The following FSTL4 variants were observed in gnomAD, a reference collection of about 807,000 sequenced individuals.
FSTL4 encodes follistatin like 4, also known as follistatin-related protein 4.
A neutral mutation model predicts 78.2 loss-of-function variants in FSTL4; 28 were observed. The observed-to-expected ratio is 0.36, with a 90% CI of 0.27 to 0.49. The LOEUF (loss-of-function observed/expected upper bound fraction) is 0.49. Ranked by LOEUF, FSTL4 falls within the 20% of genes least tolerant of loss-of-function variation. The pLI, the probability that FSTL4 is intolerant of heterozygous loss-of-function variation, is 0.98. For synonymous variants in FSTL4, 422 were observed against 440.5 expected (o/e 0.96, Z 0.53); for missense variants, 922 against 1,084.9 (o/e 0.85, Z 2.11).
chr5:133,441,715 A>C (rs896845064), intron 3 of FSTL4, among the ~76,000 whole-genome samples: 2 of 152,176 alleles, frequency 1.3e-5, no homozygotes, highest in Non-Finnish European at 2.9e-5. Context: ...CCACTCCAGC[A>C]ATGTTGCCAC....
intron 4 of FSTL4, among the ~76,000 whole-genome samples, chr5:133,326,636 A>T (rs1754218610): frequency 6.6e-6 from 1 of 152,226 alleles, no homozygotes; most frequent in Non-Finnish European, 1.5e-5. Flanking sequence ...CACTCCTGGC[A>T]GACCCTCTCT....
chr5:133,829,283 G>T, the FSTL4 span, among the ~76,000 whole-genome samples: 6 of 152,260 alleles, frequency 3.9e-5, no homozygotes, highest in Non-Finnish European at 7.4e-5. Flanking sequence ...TGTAGTCCCA[G>T]CTACTCAGGA....
the FSTL4 span, among the ~76,000 whole-genome samples, chr5:133,684,654 T>C: frequency 6.6e-6 from 1 of 152,164 alleles, no homozygotes; most frequent in African/African-American, 2.4e-5. Flanking sequence ...ATCATTGAGA[T>C]ATAGAGTTTG....
the FSTL4 span, among the ~76,000 whole-genome samples, chr5:133,628,403 A>G: frequency 6.7e-6 from 1 of 148,464 alleles, no homozygotes; most frequent in East Asian, 2.0e-4. Flanking sequence ...CCTGTTGCCC[A>G]GGCTGGAGTG....
At chr5:133,539,168 T>A (rs1014524197) in intron 3 of FSTL4, among the ~76,000 whole-genome samples, 1 of 151,544 alleles carries the variant, frequency 6.6e-6, no homozygotes, top group Non-Finnish European at 1.5e-5. Flanking sequence ...CATCTCTACA[T>A]GGAAGAAAGG....
At chr5:133,592,812 A>G (rs1218679709) in intron 2 of FSTL4, among the ~76,000 whole-genome samples, 6 of 152,120 alleles carry the variant, frequency 3.9e-5, no homozygotes, top group Admixed American at 2.0e-4. Context: ...CAGGAGTGGA[A>G]GCTTCCTGAG....
At position 133,225,698 on chromosome 5, in the gene FSTL4, C is replaced by T; in HGVS notation, c.1137G>A (p.Val379=). ...MPRITWLKNG[V]DVSTQMSKQL... ...GTTTGGACATCTGAGTTGAGACATC[C>T]ACGCCGTTTTTCAGCCAAGTGATTC... is the stretch of plus-strand genomic sequence containing the variant. Residue 379 remains valine (V), a synonymous_variant, in exon 9 of 16, where the codon GTG becomes GTA. Transcript: ENST00000265342. This position sits in a 1 kb window ranked among gnomAD's most constrained non-coding sequence, Gnocchi z 4.6. 6.2e-7 allele frequency: 1 copy of T among 1,611,282 alleles called. No homozygotes were observed.
intron 3 of FSTL4, among the ~76,000 whole-genome samples, chr5:133,564,315 T>C (rs1759981418): frequency 6.6e-6 from 1 of 152,172 alleles, no homozygotes. Flanking sequence ...ATTCAACCCA[T>C]AATACTAAGC....
At chr5:133,542,692 T>C (rs1046706877) in intron 3 of FSTL4, among the ~76,000 whole-genome samples, 1 of 152,196 alleles carries the variant, frequency 6.6e-6, no homozygotes, top group East Asian at 1.9e-4. Context: ...AATTTTTTTT[T>C]CAGGAAATTT....
intron 2 of FSTL4, among the ~76,000 whole-genome samples, chr5:133,567,733 C>A (rs749506977): frequency 6.6e-6 from 1 of 152,214 alleles, no homozygotes; most frequent in Non-Finnish European, 1.5e-5. Flanking sequence ...GGGTGAGATC[C>A]TATGAACAAT....
At chr5:133,323,158 TCAC>T (rs1754116013) in intron 4 of FSTL4, among the ~76,000 whole-genome samples, 1 of 152,108 alleles carries the variant, frequency 6.6e-6, no homozygotes, top group Admixed American at 6.5e-5. Flanking sequence ...CTAATGACAG[TCAC>T]CACAAGGTCA....
In FSTL4 at chr5:133,429,726, CAAG is replaced by C. The variant is rs141982767; in HGVS notation, c.161-28743_161-28741del. On this transcript the variant is annotated intron_variant, in intron 3 of 15. Coordinates refer to ENST00000265342, the MANE Select transcript of FSTL4 (RefSeq NM_015082.2). ...GTTGCTGGACTCCCTGGGTTGTCTA[CAAG>C]AAGAACAGAGCACGGTAAGTTTAGG... 9.4e-3 allele frequency among the ~76,000 whole-genome samples: 1,437 copies of C among 152,246 alleles called. 10 individuals are homozygous for C. The highest frequency in any genetic ancestry group is 0.014 in the Non-Finnish European group (973 of 68,012).
intron 3 of FSTL4, among the ~76,000 whole-genome samples, chr5:133,493,881 G>A (rs1047071796): frequency 3.9e-5 from 6 of 152,230 alleles, no homozygotes; most frequent in African/African-American, 9.6e-5. Context: ...TCCTTCTGCC[G>A]GATATTGAAC....
chr5:133,594,390 G>A (rs1316892256), intron 2 of FSTL4, among the ~76,000 whole-genome samples: 2 of 152,150 alleles, frequency 1.3e-5, no homozygotes, highest in African/African-American at 2.4e-5. Flanking sequence ...ACTGGGTTTC[G>A]CCATGTTGGC....
the FSTL4 span, among the ~76,000 whole-genome samples, chr5:133,725,218 A>G: frequency 1.3e-5 from 2 of 152,218 alleles, no homozygotes; most frequent in South Asian, 2.1e-4. Context: ...TCCCATTTTC[A>G]TAAAAAATTT....
At chr5:133,234,905 T>C (rs1035100483) in intron 7 of FSTL4, among the ~76,000 whole-genome samples, 1 of 152,232 alleles carries the variant, frequency 6.6e-6, no homozygotes, top group African/African-American at 2.4e-5. Flanking sequence ...GTTATTTTTC[T>C]TGTTATTATT....
rs144779869 is a variant in FSTL4, at chr5:133,293,290, C to T, written c.727+19364G>A. The stretch of plus-strand genomic sequence containing the variant: ...TTTCTTTTTGTGCCCTTTTCTGTTC[C>T]CACTTTTGCATCTGTGTTCAGGTCT... On this transcript the variant is annotated intron_variant, in intron 6 of 15. Transcript: ENST00000265342. 7.4e-4 allele frequency among the ~76,000 whole-genome samples: 112 copies of T among 152,332 alleles called. 3 individuals are homozygous for T. The East Asian group carries it at 0.018, about 24-fold the overall frequency.
At chr5:133,346,161 A>G (rs184271875) in intron 4 of FSTL4, among the ~76,000 whole-genome samples, 2 of 152,136 alleles carry the variant, frequency 1.3e-5, no homozygotes, top group East Asian at 3.9e-4. Context: ...CAAACACCAC[A>G]TGTTCTTACT....
chr5:133,270,052 T>G (rs1485303471), intron 6 of FSTL4: 2 of 152,226 alleles, frequency 1.3e-5, no homozygotes, highest in African/African-American at 4.8e-5. Flanking sequence ...TGGCCCTTCC[T>G]GCAGGGTTCC....
Sources: gnomAD v4.1 joint callset for allele counts (sites outside exome capture counted in the v4.1 genomes callset) on GRCh38, gnomAD v4.1.1 for gene constraint, Gnocchi (gnomAD v3.1) non-coding constraint, MANE v1.5 for transcripts, NCBI Gene and HGNC (gene_info 2026-07-23, HGNC 2026-07-21) for gene names.